The following OXTR variants were observed in gnomAD, a reference collection of about 807,000 sequenced individuals.
OXTR encodes oxytocin receptor.
OXTR carries 19 observed loss-of-function variants against 23.9 expected under a neutral mutation model. The observed-to-expected ratio is 0.80, with a 90% CI of 0.56 to 1.17. The LOEUF (loss-of-function observed/expected upper bound fraction) is 1.17, where lower values mean the gene tolerates loss of function less well. OXTR is among the 50% of genes most tolerant of loss of function. The pLI, the probability that OXTR is intolerant of heterozygous loss-of-function variation, is 0.00. For synonymous variants in OXTR, 278 were observed against 250.5 expected, an observed-to-expected ratio of 1.11 and a Z score of -1.04; for missense variants, 500 against 550.7, an observed-to-expected ratio of 0.91 and a Z score of 0.92.
downstream of OXTR, chr3:8,745,882 A>G: frequency 6.2e-7 from 1 of 1,603,606 alleles, no homozygotes; most frequent in Non-Finnish European, 8.5e-7. The surrounding 1 kb of genome is among the most constrained non-coding windows in gnomAD (Gnocchi z 4.8). Context: ...AGGTGGGGCA[A>G]CAGCGGTGGC....
chr3:8,744,534 T>C, the OXTR span, among the ~76,000 whole-genome samples: 6 of 148,584 alleles, frequency 4.0e-5, no homozygotes, highest in African/African-American at 1.5e-4. Flanking sequence ...CATCCTTTCA[T>C]CCTCATGATA....
rs1449084041 is a variant in OXTR at position 8,768,235 on chromosome 3, TGGCGCGGCTG to T, written c.-58_-49del. 6.3e-6 allele frequency: 8 copies of T among 1,266,604 alleles called. No homozygotes were observed. The East Asian group carries it at 2.3e-4, about 36-fold the overall frequency. The allele number at this position is 1,266,604 out of a possible 1,614,324, so 78.5% of individuals were successfully genotyped here. ...CCCGGCCTTCGAGCCCTTTACGGCT[TGGCGCGGCTG>T]GGCCGGATCCGGCGTGTCGGAGGGT... On this transcript the variant is annotated 5_prime_UTR_variant, in exon 3 of 4. Transcript: ENST00000316793. The surrounding 1 kb of genome is among the most constrained non-coding windows in gnomAD (Gnocchi z 5.4).
intron 3 of OXTR, among the ~76,000 whole-genome samples, chr3:8,758,542 C>T (rs1708423293): frequency 6.6e-6 from 1 of 152,076 alleles, no homozygotes; most frequent in African/African-American, 2.4e-5. Flanking sequence ...TATGGAAGGC[C>T]CTTTCTTAAG....
chr3:8,760,428 T>G (rs1559672503), intron 3 of OXTR, among the ~76,000 whole-genome samples: 2 of 152,186 alleles, frequency 1.3e-5, no homozygotes, highest in Admixed American at 1.3e-4. Context: ...CTCTCTTCAC[T>G]TGGGGGTTGA....
chr3:8,764,369 C>A (rs941614671), intron 3 of OXTR, among the ~76,000 whole-genome samples: 25 of 152,214 alleles, frequency 1.6e-4, no homozygotes, highest in African/African-American at 5.5e-4. Flanking sequence ...TCAGTACTGG[C>A]TCCTCAGGTG....
In OXTR at chr3:8,753,132, C is replaced by T. The variant is rs143927655; in HGVS notation, c.1015G>A (p.Glu339Lys). The T allele has an allele frequency of 1.3e-3, 2,085 of 1,614,060 alleles. 3 individuals carry two copies. Among genetic ancestry groups the T allele is most frequent in the Non-Finnish European group, 1.4e-3 (1,610 of 1,180,014 alleles). Residue 339 changes from glutamate to lysine, a missense_variant, in exon 4 of 4, where the codon GAA becomes AAA. Transcript: ENST00000316793. ...CAGCACAGGAAGCGCTGCACGAGTT[C>T]GTGGAAGAGGTGGCCCGTGAACAGC... ...YMLFTGHLFHELVQRFLCCSA... is the reference protein window; with the variant it reads ...YMLFTGHLFHKLVQRFLCCSA...
intron 3 of OXTR, among the ~76,000 whole-genome samples, chr3:8,761,089 C>T (rs369950384): frequency 1.3e-5 from 2 of 152,328 alleles, no homozygotes; most frequent in Admixed American, 6.5e-5. Context: ...AGAACAGCTC[C>T]TCCCTGACAC....
chr3:8,768,167 G>A lies in OXTR; in HGVS notation c.21C>T (p.Ala7=). Residue 7 remains alanine (A), a synonymous_variant, in exon 3 of 4, where the codon GCC becomes GCT. Transcript: ENST00000316793. The surrounding 1 kb of genome is among the most constrained non-coding windows in gnomAD (Gnocchi z 5.4). MEGALA[A]NWSAEAANAS... is the part of the protein sequence containing the mutation. The stretch of plus-strand genomic sequence containing the variant: ...CGTTGGCTGCCTCGGCGCTCCAGTT[G>A]GCTGCGAGCGCGCCCTCCATGACCC... 1 of 1,326,428 alleles carries A rather than the reference G, an allele frequency of 7.5e-7. No homozygotes were observed. Among genetic ancestry groups the A allele is most frequent in the South Asian group, 2.2e-5 (1 of 45,902 alleles). The allele number at this position is 1,326,428 out of a possible 1,614,324, so 82.2% of individuals were successfully genotyped here.
rs759817156 is a variant in OXTR at position 8,768,111 on chromosome 3, T to C, written c.77A>G (p.Asn26Ser). ...ASAAPPGAEGNRTAGPPRRNE... is the reference protein window; with the variant it reads ...ASAAPPGAEGSRTAGPPRRNE... ...GCGCCGCGGGGGTCCGGCGGTGCGG[T>C]TGCCCTCGGCCCCCGGCGGCGCGGC... is the stretch of plus-strand genomic sequence containing the variant. Residue 26 changes from asparagine (N) to serine (S), a missense_variant, in exon 3 of 4, where the codon AAC (asparagine) becomes AGC (serine). By Grantham distance (46) the Asn-to-Ser change is conservative. Coordinates refer to ENST00000316793, the MANE Select transcript of OXTR (RefSeq NM_000916.4). This position sits in a 1 kb window ranked among gnomAD's most constrained non-coding sequence, Gnocchi z 5.4. 7.2e-7 allele frequency: 1 copy of C among 1,397,250 alleles called. No homozygotes were observed. Among genetic ancestry groups the C allele is most frequent in the South Asian group, 1.7e-5 (1 of 60,374 alleles). The allele number at this position is 1,397,250 out of a possible 1,614,324, so 86.6% of individuals were successfully genotyped here.
At chr3:8,743,053 G>T in the OXTR span, among the ~76,000 whole-genome samples, 1,059 of 151,988 alleles carry the variant, frequency 7.0e-3, 12 homozygotes, top group African/African-American at 0.024. Flanking sequence ...GAGAGCTGCC[G>T]GGTTCTTTTA....
intron 3 of OXTR, among the ~76,000 whole-genome samples, chr3:8,758,091 C>T (rs1473338613): frequency 6.6e-6 from 1 of 152,108 alleles, no homozygotes. Context: ...CAAACGCCAA[C>T]ATCCCCTGCT....
At chr3:8,748,379 A>G (rs891617510), downstream of OXTR, among the ~76,000 whole-genome samples, 2 of 152,194 alleles carry the variant, frequency 1.3e-5, no homozygotes, top group African/African-American at 4.8e-5. Context: ...ATCTTAGAGC[A>G]TCTTCCCACA....
At chr3:8,749,760 G>A (rs7632287), downstream of OXTR, among the ~76,000 whole-genome samples, 46,987 of 152,142 alleles carry the variant, frequency 0.31, 9,045 homozygotes, top group African/African-American at 0.54. Context: ...GACTTTGAAC[G>A]TGGACATTTC....
chr3:8,741,624 C>T, the OXTR span, among the ~76,000 whole-genome samples: 1 of 152,154 alleles, frequency 6.6e-6, no homozygotes, highest in African/African-American at 2.4e-5. Context: ...ACTCAATGGC[C>T]AGTGGATACT....
At chr3:8,755,305 A>G (rs1038769007) in intron 3 of OXTR, among the ~76,000 whole-genome samples, 1 of 152,232 alleles carries the variant, frequency 6.6e-6, no homozygotes, top group South Asian at 2.1e-4. Context: ...TTTACAACCT[A>G]CCAGCCACAA....
In OXTR at chr3:8,752,445, A is replaced by G. The variant is rs1708282583; in HGVS notation, c.*532T>C. 2 of 153,964 alleles carry G rather than the reference A, an allele frequency of 1.3e-5. No homozygotes were observed. Among genetic ancestry groups the G allele is most frequent in the Non-Finnish European group, 2.9e-5 (2 of 68,984 alleles). The allele number at this position is 153,964 out of a possible 1,614,324, so 9.5% of individuals were successfully genotyped here. A position where few individuals can be genotyped will look rare whatever the true frequency, so the allele number is the denominator to read the frequency against. On this transcript the variant is annotated 3_prime_UTR_variant, in exon 4 of 4. Transcript: ENST00000316793. ...ACTGCGCCAGATGGTCTTACAAGGT[A>G]ATCCCCTTCTCTTAGGGCTACCCTC...
chr3:8,743,334 T>C, the OXTR span, among the ~76,000 whole-genome samples: 1 of 152,080 alleles, frequency 6.6e-6, no homozygotes, highest in Non-Finnish European at 1.5e-5. Context: ...AGAACCTCCA[T>C]AAACATGGGG....
downstream of OXTR, among the ~76,000 whole-genome samples, chr3:8,749,351 GTC>G (rs1257737657): frequency 1.3e-5 from 2 of 152,190 alleles, no homozygotes; most frequent in African/African-American, 4.8e-5. Flanking sequence ...ATGCCCAAGA[GTC>G]TTATAACTCC....
At chr3:8,742,549 T>C in the OXTR span, 1 of 453,088 alleles carries the variant, frequency 2.2e-6, no homozygotes, top group Non-Finnish European at 4.4e-6. Flanking sequence ...TGGAGAATAA[T>C]CCGGGATGTC....
Sources: allele counts gnomAD v4.1 joint callset (sites outside exome capture counted in the v4.1 genomes callset), GRCh38; gene constraint gnomAD v4.1.1; non-coding constraint Gnocchi (gnomAD v3.1); transcripts MANE v1.5; gene names NCBI Gene and HGNC (gene_info 2026-07-23, HGNC 2026-07-21).